EVI5: variants seen among roughly 807,000 people sequenced by gnomAD.
EVI5 encodes ecotropic viral integration site 5 protein homolog.
EVI5 carries 73 observed loss-of-function variants against 112.0 expected under a neutral mutation model. The ratio of observed to expected loss-of-function variants is 0.65; its 90% confidence interval spans 0.54 to 0.79. The LOEUF is 0.79. Ranked by LOEUF, EVI5 falls within the 30% of genes least tolerant of loss-of-function variation. The pLI is 0.00. For missense variants in EVI5, 900 were observed against 968.8 expected (o/e 0.93, Z 0.94); for synonymous variants, 305 against 319.9 (o/e 0.95, Z 0.50).
At position 92,512,418 on chromosome 1, in the gene EVI5, G is replaced by T. The variant is rs1407342020; in HGVS notation, c.*1238C>A. ...TTCCACCAACAGTGTTTTTGAACAG[G>T]CATCAGTTATGAATCTGCTAGTATT... On this transcript the variant is annotated 3_prime_UTR_variant, in exon 20 of 20. Transcript: ENST00000684568. 6.6e-6 allele frequency: 1 copy of T among 152,160 alleles called. No individual in the cohort carries two copies. The highest frequency in any genetic ancestry group is 1.5e-5 in the Non-Finnish European group (1 of 68,028). The allele number at this position is 152,160 out of a possible 1,614,324, so 9.4% of individuals were successfully genotyped here.
intron 16 of EVI5, among the ~76,000 whole-genome samples, chr1:92,619,399 T>C (rs1274770579): frequency 6.6e-6 from 1 of 151,832 alleles, no homozygotes; most frequent in African/African-American, 2.4e-5. Context: ...AGGCAGCCTA[T>C]TGTGGGACCT....
intron 13 of EVI5, among the ~76,000 whole-genome samples, chr1:92,643,531 C>T (rs931429751): frequency 5.3e-5 from 8 of 151,974 alleles, no homozygotes; most frequent in Non-Finnish European, 8.8e-5. Flanking sequence ...TGTCTTGTCT[C>T]CCAAAGAGCT....
chr1:92,522,414 G>GGTGA (rs1248700424), intron 19 of EVI5, among the ~76,000 whole-genome samples: 6 of 151,934 alleles, frequency 3.9e-5, no homozygotes, highest in Non-Finnish European at 7.4e-5. Context: ...AAGGCAGAAG[G>GGTGA]ATCACAAGGT....
chr1:92,599,310 G>A (rs1432037154), intron 18 of EVI5, among the ~76,000 whole-genome samples: 3 of 151,984 alleles, frequency 2.0e-5, no homozygotes. Flanking sequence ...TCGCAAGAGA[G>A]TACCAGTAAT....
At chr1:92,542,829 G>A (rs1665049244) in intron 19 of EVI5, among the ~76,000 whole-genome samples, 2 of 152,174 alleles carry the variant, frequency 1.3e-5, no homozygotes, top group African/African-American at 2.4e-5. Context: ...TAGTTGCATT[G>A]TTTCTGAGCA....
intron 19 of EVI5, among the ~76,000 whole-genome samples, chr1:92,543,290 G>A (rs889657080): frequency 4.6e-5 from 7 of 152,170 alleles, no homozygotes; most frequent in Admixed American, 3.9e-4. Context: ...TTTATGTGAC[G>A]GAAATGGCTT....
intron 10 of EVI5, among the ~76,000 whole-genome samples, chr1:92,674,833 G>T (rs960282673): frequency 2.6e-5 from 4 of 152,044 alleles, no homozygotes. Context: ...GTATAAGAAA[G>T]AACTACATGG....
chr1:92,774,783 AT>A (rs1286395953), intron 1 of EVI5, among the ~76,000 whole-genome samples: 2 of 152,214 alleles, frequency 1.3e-5, no homozygotes, highest in Non-Finnish European at 2.9e-5. Flanking sequence ...CTAAACCCAC[AT>A]TGGTTTTGGC....
chr1:92,608,295 C>T lies in EVI5; in HGVS notation c.1828-568G>A, dbSNP rs181322977. Reference sequence around the variant, plus strand: ...GGTGTAAACTATAAAAATTCTTATACACAACTTGAAGGTATTCCTTTCTAA... The same window carrying T: ...GGTGTAAACTATAAAAATTCTTATATACAACTTGAAGGTATTCCTTTCTAA... On this transcript the variant is annotated intron_variant, in intron 16 of 19. Transcript: ENST00000684568. Among the ~76,000 whole-genome samples the T allele has an allele frequency of 7.5e-4, 114 of 152,218 alleles. 1 individual carries two copies. Among genetic ancestry groups the T allele is most frequent in the Non-Finnish European group, 1.2e-3 (80 of 68,014 alleles).
At chr1:92,752,845 C>T (rs993790166) in intron 1 of EVI5, among the ~76,000 whole-genome samples, 2 of 152,124 alleles carry the variant, frequency 1.3e-5, no homozygotes, top group Non-Finnish European at 1.5e-5. Flanking sequence ...ACCAGTATCA[C>T]TCACTGAACA....
chr1:92,528,887 A>C lies in EVI5; in HGVS notation c.2167-14917T>G, dbSNP rs1033868516. On this transcript the variant is annotated intron_variant, in intron 19 of 19. Coordinates refer to ENST00000684568, the MANE Select transcript of EVI5 (RefSeq NM_001350197.2). Reference sequence around the variant, plus strand: ...AATGGGCATGCTCATTTTTGTGATAATTCATCAAGCTAGATACTTATGGTG... The same window carrying C: ...AATGGGCATGCTCATTTTTGTGATACTTCATCAAGCTAGATACTTATGGTG... 9.9e-5 allele frequency among the ~76,000 whole-genome samples: 15 copies of C among 152,152 alleles called. 1 individual carries two copies. In the East Asian group the frequency reaches 2.9e-3, roughly 29 times the overall value.
At chr1:92,567,026 T>C (rs6603991) in intron 18 of EVI5, among the ~76,000 whole-genome samples, 129,472 of 151,986 alleles carry the variant, frequency 0.85, 55,528 homozygotes, top group East Asian at 0.97. Context: ...AGTCTGGTCT[T>C]GAACTCCTGG....
intron 13 of EVI5, among the ~76,000 whole-genome samples, chr1:92,638,597 T>C (rs754868187): frequency 6.6e-6 from 1 of 152,190 alleles, no homozygotes; most frequent in Non-Finnish European, 1.5e-5. Flanking sequence ...CATGTTTTAA[T>C]GTTTGACAGA....
At chr1:92,646,051 C>G (rs952337240) in intron 13 of EVI5, among the ~76,000 whole-genome samples, 21 of 152,210 alleles carry the variant, frequency 1.4e-4, no homozygotes. Flanking sequence ...CCAATGGGTT[C>G]TAGCACAGGG....
chr1:92,707,195 AAAAAAC>A (rs1426297114), intron 2 of EVI5, among the ~76,000 whole-genome samples: 6 of 145,334 alleles, frequency 4.1e-5, no homozygotes, highest in Non-Finnish European at 7.5e-5. Flanking sequence ...AAAAAAAAAA[AAAAAAC>A]ACAAGAAAAC....
intron 1 of EVI5, chr1:92,749,265 G>A: frequency 3.0e-6 from 1 of 329,892 alleles, no homozygotes; most frequent in Non-Finnish European, 6.0e-6. Flanking sequence ...TGGTGCATCT[G>A]CTGGCAGTTA....
At chr1:92,775,827 G>A (rs1684047162) in intron 1 of EVI5, among the ~76,000 whole-genome samples, 1 of 152,138 alleles carries the variant, frequency 6.6e-6, no homozygotes, top group South Asian at 2.1e-4. Context: ...ATTAATTTGA[G>A]GCCGGGCACG....
intron 2 of EVI5, among the ~76,000 whole-genome samples, chr1:92,719,903 TA>T (rs1469554714): frequency 6.6e-6 from 1 of 151,852 alleles, no homozygotes; most frequent in Non-Finnish European, 1.5e-5. Context: ...ACAGCCAAAT[TA>T]TGAGCAAACT....
intron 13 of EVI5, among the ~76,000 whole-genome samples, chr1:92,641,914 T>C (rs887608803): frequency 4.6e-5 from 7 of 151,758 alleles, no homozygotes; most frequent in Admixed American, 6.6e-5. Context: ...CTGAGGCGGG[T>C]GGATCACGAC....
Sources: allele counts gnomAD v4.1 joint callset (sites outside exome capture counted in the v4.1 genomes callset), GRCh38; gene constraint gnomAD v4.1.1; transcripts MANE v1.5; gene names NCBI Gene and HGNC (gene_info 2026-07-23, HGNC 2026-07-21).